OR6P1: variants seen among roughly 807,000 people sequenced by gnomAD.
The protein encoded by OR6P1 is olfactory receptor 6P1.
Under a neutral mutation model 6.6 loss-of-function variants are expected in OR6P1, and 5 were observed. The observed-to-expected ratio is 0.76, with a 90% confidence interval of 0.40 to 1.60. The LOEUF (loss-of-function observed/expected upper bound fraction) is 1.60, where lower values mean the gene tolerates loss of function less well. Ranked by LOEUF, OR6P1 falls within the 40% of genes most tolerant of loss-of-function variation. The pLI is 0.02. For missense variants in OR6P1, 451 were observed against 383.0 expected (o/e 1.18, Z -1.48); for synonymous variants, 177 against 149.6 (o/e 1.18, Z -1.33).
At chr1:158,569,130 A>C (rs1648178346) in intron 1 of OR6P1, among the ~76,000 whole-genome samples, 1 of 152,190 alleles carries the variant, frequency 6.6e-6, no homozygotes, top group Admixed American at 6.5e-5. Context: ...ACTTCACTAG[A>C]TTATATCACA....
chr1:158,562,964 A>G lies in OR6P1; in HGVS notation c.641T>C (p.Val214Ala). 1 of 1,551,710 alleles carries G rather than the reference A, an allele frequency of 6.4e-7. No individual in the cohort carries two copies. The highest frequency in any genetic ancestry group is 8.7e-7 in the Non-Finnish European group (1 of 1,146,990). Reference sequence around the variant, plus strand: ...AATGATGGCAGTGTATGATGAAACCACAGCCAATAGAGGGAGTAGAATCAT... The same window carrying G: ...AATGATGGCAGTGTATGATGAAACCGCAGCCAATAGAGGGAGTAGAATCAT... The part of the protein sequence containing the change: ...LVMILLPLLA[V>A]VSSYTAIIAA... Residue 214 changes from valine to alanine, a missense_variant, in exon 3 of 3, where the codon GTG becomes GCG. Val to Ala is a moderately conservative substitution (Grantham distance 64, BLOSUM62 0). Transcript: ENST00000641540.
At chr1:158,567,758 C>A (rs1648133959) in intron 1 of OR6P1, among the ~76,000 whole-genome samples, 1 of 149,460 alleles carries the variant, frequency 6.7e-6, no homozygotes, top group Admixed American at 6.7e-5. Flanking sequence ...CTAACCTGCA[C>A]AATGTGCACA....
intron 1 of OR6P1, among the ~76,000 whole-genome samples, chr1:158,567,236 T>C (rs373830157): frequency 2.6e-5 from 4 of 152,062 alleles, no homozygotes; most frequent in Non-Finnish European, 4.4e-5. Flanking sequence ...GACAGTGTGG[T>C]GATTCCTCAG....
Position 158,570,461 on chromosome 1 carries a change from G to A in OR6P1, c.-137C>T, listed in dbSNP as rs988655455. ...TCTAACCTGAATAAGAACAAAATTTGTCACAGAAGTTCACCTACTTCTTTG... is the reference window on the plus strand; with the variant it reads ...TCTAACCTGAATAAGAACAAAATTTATCACAGAAGTTCACCTACTTCTTTG... On this transcript the variant is annotated 5_prime_UTR_variant, in exon 1 of 3. Coordinates refer to ENST00000641540, the MANE Select transcript of OR6P1 (RefSeq NM_001160325.2). 1.3e-5 allele frequency: 2 copies of A among 152,184 alleles called. No individual in the cohort carries two copies. Among genetic ancestry groups the A allele is most frequent in the African/African-American group, 4.8e-5 (2 of 41,440 alleles). 9.4% of individuals were successfully genotyped at this position (152,184 alleles called of 1,614,324 possible). A position where few individuals can be genotyped will look rare whatever the true frequency, so the allele number is the denominator to read the frequency against.
intron 1 of OR6P1, among the ~76,000 whole-genome samples, chr1:158,567,142 C>T (rs1340993865): frequency 3.3e-5 from 5 of 151,042 alleles, no homozygotes; most frequent in Non-Finnish European, 1.5e-5. Context: ...AGTCAGGAAA[C>T]AACAGGTGCT....
Position 158,562,851 on chromosome 1 carries a change from A to G in OR6P1, c.754T>C (p.Tyr252His), listed in dbSNP as rs1194632949. Residue 252 changes from tyrosine (Y) to histidine (H), a missense_variant, in exon 3 of 3, where the codon TAC becomes CAC. Tyr to His is a moderately conservative substitution (Grantham distance 83). Transcript: ENST00000641540. ...GCATAGGTGAAGAGAGTGGAGGAGT[A>G]GTAGATAACAACCACTGCCAGATGA... ...AAHLAVVVIY[Y>H]SSTLFTYARP... The G allele has an allele frequency of 3.2e-6, 5 of 1,552,066 alleles. No homozygotes were observed. Among genetic ancestry groups the G allele is most frequent in the Non-Finnish European group, 4.4e-6 (5 of 1,147,090 alleles).
At chr1:158,563,651 A>C (rs1418023513) in intron 2 of OR6P1, 25 bp from the exon 3 acceptor site, 1 of 1,278,766 alleles carries the variant, frequency 7.8e-7, no homozygotes, top group Non-Finnish European at 1.1e-6. Context: ...AGGAAGAACA[A>C]GAGGTTTGAA....
At chr1:158,568,312 A>G (rs976592535) in intron 1 of OR6P1, among the ~76,000 whole-genome samples, 3 of 151,844 alleles carry the variant, frequency 2.0e-5, no homozygotes, top group Non-Finnish European at 4.4e-5. Context: ...TTTGTTTCTT[A>G]CTTGCTTTAA....
chr1:158,563,046 G>A lies in OR6P1; in HGVS notation c.559C>T (p.Leu187Phe), dbSNP rs1647997670. ...FFCDISPLLN[L>F]TCSDKEQAEL... ...GCTTGCTCCTTGTCAGAGCAGGTGA[G>A]GTTGAGTAGTGGGGAAATATCACAG... The change falls in exon 3 of 3, where the codon CTC becomes TTC. Residue 187 changes from leucine (L) to phenylalanine (F), a missense_variant. Leu to Phe is a conservative substitution (Grantham distance 22). Transcript: ENST00000641540. 2.6e-6 allele frequency: 4 copies of A among 1,551,786 alleles called. No individual in the cohort carries two copies. Among genetic ancestry groups the A allele is most frequent in the East Asian group, 2.4e-5 (1 of 40,920 alleles).
At position 158,560,957 on chromosome 1, in the gene OR6P1, T is replaced by C. The variant is rs997587657; in HGVS notation, c.*1694A>G. On this transcript the variant is annotated 3_prime_UTR_variant, in exon 3 of 3. Coordinates refer to ENST00000641540, the MANE Select transcript of OR6P1 (RefSeq NM_001160325.2). ...ATAAGTAATTTTGTGTAGTAATGTT[T>C]ATTAGGTTTCTAGAGAACCAGAACT... The C allele has an allele frequency of 6.6e-6, 1 of 152,180 alleles. No individual in the cohort carries two copies. Among genetic ancestry groups the C allele is most frequent in the African/African-American group, 2.4e-5 (1 of 41,442 alleles). The allele number at this position is 152,180 out of a possible 1,614,324, so 9.4% of individuals were successfully genotyped here.
At chr1:158,569,764 A>G (rs1392420743) in intron 1 of OR6P1, among the ~76,000 whole-genome samples, 2 of 152,172 alleles carry the variant, frequency 1.3e-5, no homozygotes, top group African/African-American at 4.8e-5. Context: ...TTTCCTCAAG[A>G]TCATACATCT....
Position 158,562,880 on chromosome 1 carries a change from G to T in OR6P1, c.725C>A (p.Ala242Asp). Residue 242 changes from alanine (A) to aspartate (D), a missense_variant, in exon 3 of 3, where the codon GCC (alanine) becomes GAC (aspartate). Coordinates refer to ENST00000641540, the MANE Select transcript of OR6P1 (RefSeq NM_001160325.2). Reference protein sequence around the residue: ...RGRHKAFSTCAAHLAVVVIYY... With the variant: ...RGRHKAFSTCDAHLAVVVIYY... ...GATAACAACCACTGCCAGATGAGCGGCACAAGTGGAAAAGGCTTTGTGGCG... is the reference window on the plus strand; with the variant it reads ...GATAACAACCACTGCCAGATGAGCGTCACAAGTGGAAAAGGCTTTGTGGCG... 1.3e-6 allele frequency: 2 copies of T among 1,552,012 alleles called. No individual in the cohort carries two copies. The highest frequency in any genetic ancestry group is 1.7e-4 in the Middle Eastern group (1 of 5,992).
chr1:158,564,686 G>A (rs1357294713), intron 2 of OR6P1, among the ~76,000 whole-genome samples: 1 of 152,176 alleles, frequency 6.6e-6, no homozygotes, highest in Non-Finnish European at 1.5e-5. Context: ...TGAGCCAAGT[G>A]ATACTGATTT....
In OR6P1 at chr1:158,562,832, G is replaced by A. The variant is rs1168386743; in HGVS notation, c.773C>T (p.Thr258Ile). Reference sequence around the variant, plus strand: ...GTACATGGCCCGGGGCCGTGCATAGGTGAAGAGAGTGGAGGAGTAGTAGAT... The same window carrying A: ...GTACATGGCCCGGGGCCGTGCATAGATGAAGAGAGTGGAGGAGTAGTAGAT... ...VVIYYSSTLFTYARPRAMYTF... is the reference protein window; with the variant it reads ...VVIYYSSTLFIYARPRAMYTF... Residue 258 changes from threonine to isoleucine, a missense_variant, in exon 3 of 3, where the codon ACC (threonine) becomes ATC (isoleucine). Coordinates refer to ENST00000641540, the MANE Select transcript of OR6P1 (RefSeq NM_001160325.2). 1.9e-6 allele frequency: 3 copies of A among 1,552,052 alleles called. No individual in the cohort carries two copies. Among genetic ancestry groups the A allele is most frequent in the East Asian group, 2.4e-5 (1 of 40,904 alleles).
In OR6P1 at chr1:158,561,092, G is replaced by A. The variant is rs1278045845; in HGVS notation, c.*1559C>T. On this transcript the variant is annotated 3_prime_UTR_variant, in exon 3 of 3. Transcript: ENST00000641540. ...ATATTCACAACAAGCCCATATGATG[G>A]AAAGGGTATTATTTTTATTATCAAA... is the stretch of plus-strand genomic sequence containing the variant. The A allele has an allele frequency of 1.3e-5, 2 of 152,154 alleles. No individual in the cohort carries two copies. The highest frequency in any genetic ancestry group is 2.9e-5 in the Non-Finnish European group (2 of 68,016). The allele number at this position is 152,154 out of a possible 1,614,324, so 9.4% of individuals were successfully genotyped here. A position where few individuals can be genotyped will look rare whatever the true frequency, so the allele number is the denominator to read the frequency against.
chr1:158,569,950 G>A (rs992614742), intron 1 of OR6P1, among the ~76,000 whole-genome samples: 1 of 152,070 alleles, frequency 6.6e-6, no homozygotes, highest in African/African-American at 2.4e-5. Context: ...CTCTGTGTAT[G>A]GCAGTCAAAT....
chr1:158,569,257 G>A (rs1437425021), intron 1 of OR6P1, among the ~76,000 whole-genome samples: 1 of 152,102 alleles, frequency 6.6e-6, no homozygotes, highest in Non-Finnish European at 1.5e-5. Context: ...ATATCACTTG[G>A]ATCTTCCAAA....
At chr1:158,567,286 A>G (rs902351028) in intron 1 of OR6P1, among the ~76,000 whole-genome samples, 7 of 152,108 alleles carry the variant, frequency 4.6e-5, no homozygotes, top group African/African-American at 1.7e-4. Flanking sequence ...CAGCCATCCC[A>G]TTACTGGGTA....
chr1:158,565,191 A>G (rs1422534777), intron 2 of OR6P1, among the ~76,000 whole-genome samples: 2 of 151,964 alleles, frequency 1.3e-5, no homozygotes, highest in African/African-American at 2.4e-5. Flanking sequence ...CACAACATCT[A>G]CTTTTTATCA....
Sources: gnomAD v4.1 joint callset for allele counts (sites outside exome capture counted in the v4.1 genomes callset) on GRCh38, gnomAD v4.1.1 for gene constraint, MANE v1.5 for transcripts, NCBI Gene and HGNC (gene_info 2026-07-23, HGNC 2026-07-21) for gene names.